LRRTM4: variants seen among roughly 807,000 people sequenced by gnomAD.
The protein encoded by LRRTM4 is leucine rich repeat transmembrane neuronal 4.
In LRRTM4, 25 loss-of-function variants were observed where a neutral mutation model predicts 47.6. That is an observed-to-expected ratio of 0.53 (90% confidence interval 0.38 to 0.73). The LOEUF is 0.73. Among genes scored for constraint, LRRTM4 ranks in the 30% least tolerant of loss-of-function variants. LRRTM4 has a pLI of 0.00. For missense variants in LRRTM4, 638 were observed against 713.4 expected (o/e 0.89, Z 1.20); for synonymous variants, 311 against 269.5 (o/e 1.15, Z -1.51).
At chr2:76,823,276 C>T (rs888304701) in intron 3 of LRRTM4, among the ~76,000 whole-genome samples, 2 of 151,150 alleles carry the variant, frequency 1.3e-5, no homozygotes, top group Non-Finnish European at 3.0e-5. Flanking sequence ...ATAAAGATTA[C>T]CTTATATCCC....
intron 3 of LRRTM4, among the ~76,000 whole-genome samples, chr2:77,448,650 T>A (rs1159742041): frequency 6.7e-6 from 1 of 149,010 alleles, no homozygotes; most frequent in African/African-American, 2.4e-5. Flanking sequence ...AAAGATGAAG[T>A]AAAATATTAG....
intron 3 of LRRTM4, among the ~76,000 whole-genome samples, chr2:77,504,455 G>T (rs989983617): frequency 6.6e-6 from 1 of 151,612 alleles, no homozygotes; most frequent in African/African-American, 2.4e-5. Context: ...ATGTCAGAGA[G>T]TATTGGTGGA....
At chr2:77,014,280 A>G (rs1243731765) in intron 3 of LRRTM4, among the ~76,000 whole-genome samples, 1 of 152,168 alleles carries the variant, frequency 6.6e-6, no homozygotes, top group East Asian at 1.9e-4. Flanking sequence ...TTGAGCACAT[A>G]CATATTAGAA....
chr2:77,286,173 A>G (rs928431776), intron 3 of LRRTM4, among the ~76,000 whole-genome samples: 3 of 152,058 alleles, frequency 2.0e-5, no homozygotes, highest in Admixed American at 1.3e-4. Context: ...AGTTGCCTCA[A>G]TCTTGCTTCC....
At chr2:77,144,072 AGTTGAGCTGTGAT>A (rs979213756) in intron 3 of LRRTM4, among the ~76,000 whole-genome samples, 1 of 152,166 alleles carries the variant, frequency 6.6e-6, no homozygotes, top group Non-Finnish European at 1.5e-5. Context: ...ATGCAGGAGA[AGTTGAGCTGTGAT>A]GAAGGCCCAA....
chr2:77,153,928 C>T (rs934821105), intron 3 of LRRTM4, among the ~76,000 whole-genome samples: 1 of 152,150 alleles, frequency 6.6e-6, no homozygotes, highest in Non-Finnish European at 1.5e-5. Context: ...TATTTTATCA[C>T]ATCAAATATG....
intron 3 of LRRTM4, among the ~76,000 whole-genome samples, chr2:77,123,146 G>T (rs747240076): frequency 6.7e-6 from 1 of 150,088 alleles, no homozygotes; most frequent in Non-Finnish European, 1.5e-5. Context: ...ATCAGTTGAC[G>T]CAAGAAAAAT....
At chr2:77,375,374 A>T (rs1672796204) in intron 3 of LRRTM4, among the ~76,000 whole-genome samples, 3 of 151,752 alleles carry the variant, frequency 2.0e-5, no homozygotes, top group African/African-American at 7.2e-5. Context: ...CACAATGAAG[A>T]TAATAAACAT....
chr2:77,339,850 C>T (rs866015049), intron 3 of LRRTM4, among the ~76,000 whole-genome samples: 6 of 151,998 alleles, frequency 3.9e-5, no homozygotes, highest in East Asian at 1.9e-4. Context: ...GGGAAGCTTG[C>T]GTACTTTTAT....
intron 3 of LRRTM4, among the ~76,000 whole-genome samples, chr2:77,024,050 G>T (rs374798971): frequency 6.6e-6 from 1 of 152,122 alleles, no homozygotes; most frequent in Non-Finnish European, 1.5e-5. Context: ...CATGGCAGTG[G>T]CAAGAGAAAA....
intron 3 of LRRTM4, among the ~76,000 whole-genome samples, chr2:77,476,988 G>T (rs1677423297): frequency 1.0e-5 from 1 of 99,526 alleles, no homozygotes; most frequent in African/African-American, 3.1e-5. Flanking sequence ...GTGTGTGTGT[G>T]TGTGTGTGTA....
At chr2:77,093,545 T>C (rs934536887) in intron 3 of LRRTM4, among the ~76,000 whole-genome samples, 2 of 151,862 alleles carry the variant, frequency 1.3e-5, no homozygotes, top group African/African-American at 4.9e-5. Flanking sequence ...TAATCCCGCT[T>C]GAAGCAGCCC....
In LRRTM4 at chr2:76,873,512, A is replaced by G. The variant is rs1241051731; in HGVS notation, c.1552-124596T>C. Among the ~76,000 whole-genome samples, 70 of 145,002 alleles carry G rather than the reference A, an allele frequency of 4.8e-4. 1 individual carries two copies. Among genetic ancestry groups the G allele is most frequent in the African/African-American group, 1.7e-3 (65 of 39,350 alleles). The stretch of plus-strand genomic sequence containing the variant: ...TGTGTGTATATATATGTGTGTATAT[A>G]TATATATATATATATATATATACAA... On this transcript the variant is annotated intron_variant, in intron 3 of 3. Coordinates refer to ENST00000409884, the MANE Select transcript of LRRTM4 (RefSeq NM_001134745.3).
chr2:77,478,850 C>CTG (rs1558762475), intron 3 of LRRTM4, among the ~76,000 whole-genome samples: 1 of 152,190 alleles, frequency 6.6e-6, no homozygotes, highest in Non-Finnish European at 1.5e-5. Context: ...TCTTGATTCA[C>CTG]CTCCTACAGT....
At chr2:77,286,070 A>C (rs1676649831) in intron 3 of LRRTM4, among the ~76,000 whole-genome samples, 1 of 152,134 alleles carries the variant, frequency 6.6e-6, no homozygotes, top group Admixed American at 6.6e-5. Flanking sequence ...AATTATTAGA[A>C]TCTGAAAAAC....
intron 3 of LRRTM4, among the ~76,000 whole-genome samples, chr2:76,925,184 C>T (rs1467467673): frequency 1.3e-5 from 2 of 152,178 alleles, no homozygotes; most frequent in East Asian, 1.9e-4. Flanking sequence ...CCAGGTGAGC[C>T]CTTTAAAAGA....
chr2:76,757,729 C>T lies in LRRTM4; in HGVS notation c.1552-8813G>A, dbSNP rs1025582117. Among the ~76,000 whole-genome samples the T allele has an allele frequency of 2.6e-5, 4 of 152,038 alleles. No homozygotes were observed. In the East Asian group the frequency reaches 7.7e-4, roughly 29 times the overall value. On this transcript the variant is annotated intron_variant, in intron 3 of 3. Transcript: ENST00000409884. ...AGAATTTCCAATCACATAACTTTCT[C>T]CTTTGTGAAAAAAATAATTGTAGAA...
chr2:77,139,047 A>G (rs891525085), intron 3 of LRRTM4, among the ~76,000 whole-genome samples: 1 of 152,200 alleles, frequency 6.6e-6, no homozygotes, highest in Admixed American at 6.5e-5. Flanking sequence ...CAGAGGTACA[A>G]GGAGGAGCTG....
chr2:76,962,442 G>A (rs1011822987), intron 3 of LRRTM4, among the ~76,000 whole-genome samples: 3 of 150,616 alleles, frequency 2.0e-5, no homozygotes, highest in Admixed American at 6.7e-5. Flanking sequence ...CTAGATAAAC[G>A]AACCAGAGAT....
Sources: allele counts gnomAD v4.1 joint callset (sites outside exome capture counted in the v4.1 genomes callset), GRCh38; gene constraint gnomAD v4.1.1; transcripts MANE v1.5; gene names NCBI Gene and HGNC (gene_info 2026-07-23, HGNC 2026-07-21).